NT5C2: variants seen among roughly 807,000 people sequenced by gnomAD.
NT5C2 encodes cytosolic purine 5'-nucleotidase.
In NT5C2, 58 loss-of-function variants were observed where a neutral mutation model predicts 76.1. The ratio of observed to expected loss-of-function variants is 0.76; its 90% CI spans 0.62 to 0.95. The LOEUF is 0.95. Ranked by LOEUF, NT5C2 falls within the 40% of genes least tolerant of loss-of-function variation. NT5C2 has a pLI of 0.00. For missense variants in NT5C2, 478 were observed against 690.3 expected, an observed-to-expected ratio of 0.69 and a Z score of 3.45; for synonymous variants, 229 against 237.4, an observed-to-expected ratio of 0.96 and a Z score of 0.32.
At chr10:103,187,181 C>G (rs940238343) in intron 1 of NT5C2, among the ~76,000 whole-genome samples, 1 of 151,520 alleles carries the variant, frequency 6.6e-6, no homozygotes, top group South Asian at 2.1e-4. Context: ...ACCCAGCAGG[C>G]GGAAGTTGCA....
intron 3 of NT5C2, among the ~76,000 whole-genome samples, chr10:103,156,163 GA>G (rs945632337): frequency 4.6e-5 from 7 of 151,500 alleles, no homozygotes; most frequent in African/African-American, 1.5e-4. Flanking sequence ...TCCATCTCTT[GA>G]AAAAAAAATT....
intron 3 of NT5C2, among the ~76,000 whole-genome samples, chr10:103,145,847 T>C (rs7897663): frequency 0.32 from 47,943 of 152,010 alleles, 7,654 homozygotes; most frequent in Middle Eastern, 0.36. Context: ...GACATTAAAC[T>C]TGAATAAACT....
chr10:103,118,080 G>A (rs1160150718), intron 4 of NT5C2, among the ~76,000 whole-genome samples: 1 of 152,114 alleles, frequency 6.6e-6, no homozygotes, highest in Non-Finnish European at 1.5e-5. Flanking sequence ...ATTTTCTTAT[G>A]TGCTTTATTT....
intron 1 of NT5C2, among the ~76,000 whole-genome samples, chr10:103,191,659 G>C (rs1232030643): frequency 2.0e-5 from 3 of 152,020 alleles, no homozygotes; most frequent in Non-Finnish European, 1.5e-5. Context: ...TTCATACAAT[G>C]GCATCAAACC....
intron 3 of NT5C2, among the ~76,000 whole-genome samples, chr10:103,139,865 C>T (rs1024671934): frequency 2.6e-5 from 4 of 152,168 alleles, no homozygotes; most frequent in South Asian, 2.1e-4. Flanking sequence ...ATTCATCCAA[C>T]ATAACTGCAA....
intron 12 of NT5C2, 94 bp downstream of exon 12, chr10:103,095,845 G>A (rs1313567955): frequency 5.5e-6 from 6 of 1,088,138 alleles, no homozygotes; most frequent in Admixed American, 2.0e-5. Flanking sequence ...TTTTCTGGGT[G>A]GGTTCTGACC....
chr10:103,160,615 C>T (rs1045441963), intron 3 of NT5C2, among the ~76,000 whole-genome samples: 1 of 152,144 alleles, frequency 6.6e-6, no homozygotes, highest in Non-Finnish European at 1.5e-5. Context: ...ACAAAAGATA[C>T]ACAAATGGCC....
intron 3 of NT5C2, among the ~76,000 whole-genome samples, chr10:103,151,536 T>C (rs1005777712): frequency 6.6e-6 from 1 of 152,018 alleles, no homozygotes; most frequent in African/African-American, 2.4e-5. Context: ...CAATTGATTA[T>C]ATATATGTGG....
chr10:103,091,481 G>A, intron 16 of NT5C2, 83 bp downstream of exon 16: 2 of 1,076,434 alleles, frequency 1.9e-6, no homozygotes, highest in Non-Finnish European at 2.8e-6. Flanking sequence ...AAATAGCTGG[G>A]ATTACTGGCC....
At chr10:103,191,538 GGAA>G (rs2092644371) in intron 1 of NT5C2, among the ~76,000 whole-genome samples, 1 of 152,150 alleles carries the variant, frequency 6.6e-6, no homozygotes, top group Non-Finnish European at 1.5e-5. Flanking sequence ...GCTTTCTTTA[GGAA>G]GATGTGATGT....
intron 7 of NT5C2, 43 bp from the exon 8 acceptor site, chr10:103,101,145 A>AGT: frequency 1.3e-6 from 2 of 1,488,886 alleles, no homozygotes; most frequent in Non-Finnish European, 1.9e-6. Context: ...TAATGAAATA[A>AGT]TTCAAACTTA....
At chr10:103,157,785 A>T (rs965654651) in intron 3 of NT5C2, among the ~76,000 whole-genome samples, 2 of 152,160 alleles carry the variant, frequency 1.3e-5, no homozygotes, top group Non-Finnish European at 2.9e-5. Flanking sequence ...TGACAAAAGA[A>T]AATTTGGGGC....
intron 4 of NT5C2, among the ~76,000 whole-genome samples, chr10:103,115,642 T>G (rs2074161183): frequency 6.6e-6 from 1 of 152,218 alleles, no homozygotes; most frequent in African/African-American, 2.4e-5. Context: ...CTTTTAAATT[T>G]CCTAATCTAG....
intron 1 of NT5C2, among the ~76,000 whole-genome samples, chr10:103,190,375 C>T (rs2092545519): frequency 6.6e-6 from 1 of 152,110 alleles, no homozygotes; most frequent in Non-Finnish European, 1.5e-5. Context: ...ATTAATCATA[C>T]CCTCAATACA....
intron 1 of NT5C2, among the ~76,000 whole-genome samples, chr10:103,182,063 G>T (rs747874174): frequency 2.2e-4 from 33 of 151,406 alleles, no homozygotes; most frequent in Non-Finnish European, 4.3e-4. Context: ...TGACAATTCT[G>T]CATTAAGACA....
chr10:103,145,856 C>T (rs2081376606), intron 3 of NT5C2, among the ~76,000 whole-genome samples: 1 of 152,148 alleles, frequency 6.6e-6, no homozygotes, highest in Non-Finnish European at 1.5e-5. Flanking sequence ...CTTGAATAAA[C>T]TCCATCCAAG....
chr10:103,096,726 AT>A lies in NT5C2; in HGVS notation c.771+564del, dbSNP rs751133049. ...CCAGGCGCAGTGGCAGGTGCCTGTA[AT>A]CCCAGCTACTTGGGAGGCTGAGGCA... On this transcript the variant is annotated intron_variant, in intron 11 of 18. Coordinates refer to ENST00000404739, the MANE Select transcript of NT5C2 (RefSeq NM_001351169.2). Among the ~76,000 whole-genome samples, 64 of 151,592 alleles carry A rather than the reference AT, an allele frequency of 4.2e-4. 1 individual carries two copies. Among genetic ancestry groups the A allele is most frequent in the South Asian group, 2.1e-3 (10 of 4,788 alleles).
intron 4 of NT5C2, among the ~76,000 whole-genome samples, chr10:103,113,880 A>G (rs753735618): frequency 3.3e-5 from 5 of 152,234 alleles, no homozygotes; most frequent in African/African-American, 1.2e-4. Context: ...AAGGTACTAT[A>G]AAGTTTACCT....
rs2066145707 is a variant in NT5C2, at chr10:103,089,493, T to TACAG, written c.*175_*178dup. The stretch of plus-strand genomic sequence containing the variant: ...ACAATTTTGGACCATCTGCAGAGAG[T>TACAG]ACAGATACACAAAACCAAAACAAGT... On this transcript the variant is annotated 3_prime_UTR_variant, in exon 19 of 19. Transcript: ENST00000404739. 3 of 1,150,620 alleles carry TACAG rather than the reference T, an allele frequency of 2.6e-6. No individual in the cohort carries two copies. The highest frequency in any genetic ancestry group is 3.5e-6 in the Non-Finnish European group (3 of 851,070). The allele number at this position is 1,150,620 out of a possible 1,614,324, so 71.3% of individuals were successfully genotyped here. A position where few individuals can be genotyped will look rare whatever the true frequency, so the allele number is the denominator to read the frequency against.
Sources: allele counts gnomAD v4.1 joint callset (sites outside exome capture counted in the v4.1 genomes callset), GRCh38; gene constraint gnomAD v4.1.1; transcripts MANE v1.5; gene names NCBI Gene and HGNC (gene_info 2026-07-23, HGNC 2026-07-21).